UGT1A9: variants seen among roughly 807,000 people sequenced by gnomAD.
The protein encoded by UGT1A9 is UDP glucuronosyltransferase family 1 member A9.
A neutral mutation model predicts 45.0 loss-of-function variants in UGT1A9; 35 were observed. The observed-to-expected ratio is 0.78, with a 90% CI of 0.59 to 1.03. UGT1A9 has a LOEUF of 1.03. Ranked by LOEUF, UGT1A9 falls within the 50% of genes least tolerant of loss-of-function variation. The pLI, the probability that UGT1A9 is intolerant of heterozygous loss-of-function variation, is 0.00. For missense variants in UGT1A9, 687 were observed against 666.6 expected (o/e 1.03, Z -0.34); for synonymous variants, 278 against 250.6 (o/e 1.11, Z -1.03).
intron 1 of UGT1A9, among the ~76,000 whole-genome samples, chr2:233,722,425 T>G (rs1224691160): frequency 6.6e-6 from 1 of 152,236 alleles, no homozygotes; most frequent in African/African-American, 2.4e-5. Context: ...ATGGATAGGT[T>G]GAATTATTTG....
intron 1 of UGT1A9, chr2:233,719,510 T>G: frequency 6.2e-7 from 1 of 1,614,000 alleles, no homozygotes. Flanking sequence ...TTTCTGCCCC[T>G]TATGCAAGTC....
intron 1 of UGT1A9, among the ~76,000 whole-genome samples, chr2:233,683,150 C>T (rs1362078912): frequency 1.3e-5 from 2 of 152,148 alleles, no homozygotes; most frequent in South Asian, 2.1e-4. Context: ...GAATTGTTTT[C>T]AATTTTTTTG....
At chr2:233,752,907 C>T (rs1171888690) in intron 1 of UGT1A9, among the ~76,000 whole-genome samples, 1 of 152,232 alleles carries the variant, frequency 6.6e-6, no homozygotes, top group East Asian at 1.9e-4. Flanking sequence ...ACAGATCCAC[C>T]TCTGAGTGAC....
At chr2:233,701,673 A>T (rs544272724) in intron 1 of UGT1A9, among the ~76,000 whole-genome samples, 2 of 152,338 alleles carry the variant, frequency 1.3e-5, no homozygotes, top group South Asian at 4.1e-4. Context: ...TCAAACTAGA[A>T]CTCAGAATTA....
chr2:233,730,403 A>G (rs1043084681), intron 1 of UGT1A9, among the ~76,000 whole-genome samples: 1 of 152,216 alleles, frequency 6.6e-6, no homozygotes, highest in Non-Finnish European at 1.5e-5. Context: ...GTAAATTACA[A>G]TTGTTGACAT....
At chr2:233,712,288 C>G (rs147382536) in intron 1 of UGT1A9, among the ~76,000 whole-genome samples, 1 of 152,350 alleles carries the variant, frequency 6.6e-6, no homozygotes, top group African/African-American at 2.4e-5. Flanking sequence ...ACCTCTTCTT[C>G]CATGGTGTAG....
At chr2:233,701,427 C>T (rs1037772599) in intron 1 of UGT1A9, among the ~76,000 whole-genome samples, 1 of 152,092 alleles carries the variant, frequency 6.6e-6, no homozygotes, top group African/African-American at 2.4e-5. Flanking sequence ...CAACATTAGA[C>T]AGATCAACGA....
At chr2:233,685,670 G>A (rs944188432) in intron 1 of UGT1A9, among the ~76,000 whole-genome samples, 3 of 152,154 alleles carry the variant, frequency 2.0e-5, no homozygotes, top group Non-Finnish European at 4.4e-5. Flanking sequence ...GGCATAATGT[G>A]TACCCATATA....
chr2:233,727,330 C>T (rs574704586), intron 1 of UGT1A9, among the ~76,000 whole-genome samples: 1 of 152,238 alleles, frequency 6.6e-6, no homozygotes, highest in East Asian at 1.9e-4. Flanking sequence ...ACCAGGAGCT[C>T]CTCCCTCCCC....
At chr2:233,747,312 G>A in intron 1 of UGT1A9, 5 of 1,603,228 alleles carry the variant, frequency 3.1e-6, no homozygotes, top group Non-Finnish European at 4.3e-6. Context: ...AGGTGCTGGT[G>A]GTACCCATTG....
chr2:233,735,495 A>G (rs1383216559), intron 1 of UGT1A9, among the ~76,000 whole-genome samples: 1 of 152,188 alleles, frequency 6.6e-6, no homozygotes, highest in Non-Finnish European at 1.5e-5. Context: ...TAATTGCAGC[A>G]TTTAGCCCAT....
chr2:233,733,184 C>T (rs531728542), intron 1 of UGT1A9, among the ~76,000 whole-genome samples: 42 of 152,276 alleles, frequency 2.8e-4, no homozygotes, highest in South Asian at 8.3e-4. Context: ...GCTGAAGTTG[C>T]TTATCAGCTT....
intron 1 of UGT1A9, chr2:233,729,592 C>A (rs1253832448): frequency 6.2e-7 from 1 of 1,613,966 alleles, no homozygotes; most frequent in African/African-American, 1.3e-5. Flanking sequence ...CCCCGTTAAC[C>A]TCTGCGCGGC....
At chr2:233,682,873 A>T (rs1025684504) in intron 1 of UGT1A9, 1 of 1,521,660 alleles carries the variant, frequency 6.6e-7, no homozygotes, top group African/African-American at 1.4e-5. Flanking sequence ...ATAATTTATC[A>T]TTTACATTTG....
chr2:233,716,339 C>A (rs998115073), intron 1 of UGT1A9, among the ~76,000 whole-genome samples: 4 of 152,212 alleles, frequency 2.6e-5, no homozygotes, highest in African/African-American at 9.7e-5. Context: ...CAGGTTTGCG[C>A]AACTACAATG....
In UGT1A9 at chr2:233,692,757, G is replaced by C. The variant is rs1425174448; in HGVS notation, c.855+19968G>C. 9.3e-6 allele frequency: 11 copies of C among 1,177,646 alleles called. No homozygotes were observed. In the South Asian group the frequency reaches 1.9e-4, roughly 20 times the overall value. The allele number at this position is 1,177,646 out of a possible 1,614,324, so 72.9% of individuals were successfully genotyped here. A position where few individuals can be genotyped will look rare whatever the true frequency, so the allele number is the denominator to read the frequency against. Reference sequence around the variant, plus strand: ...AGAGAGGGAGAAGCAGACTTGTGGAGCTGAAGAGAAACACCCAGAAGCTCA... The same window carrying C: ...AGAGAGGGAGAAGCAGACTTGTGGACCTGAAGAGAAACACCCAGAAGCTCA... On this transcript the variant is annotated intron_variant, in intron 1 of 4. Coordinates refer to ENST00000354728, the MANE Select transcript of UGT1A9 (RefSeq NM_021027.3).
chr2:233,766,357 C>T (rs1461708777), intron 1 of UGT1A9, among the ~76,000 whole-genome samples: 1 of 152,122 alleles, frequency 6.6e-6, no homozygotes, highest in Non-Finnish European at 1.5e-5. Flanking sequence ...CCTGCCGGTG[C>T]CTGTTGGTGA....
intron 1 of UGT1A9, among the ~76,000 whole-genome samples, chr2:233,684,872 G>A (rs1411097993): frequency 6.6e-6 from 1 of 152,138 alleles, no homozygotes; most frequent in Non-Finnish European, 1.5e-5. Flanking sequence ...TGTTTCATAT[G>A]GGCAGGGTGT....
chr2:233,714,873 C>A (rs1233346677), intron 1 of UGT1A9, among the ~76,000 whole-genome samples: 1 of 147,466 alleles, frequency 6.8e-6, no homozygotes, highest in African/African-American at 2.5e-5. Flanking sequence ...AAAATTCTAT[C>A]TTTTAAATTT....
Sources: allele counts gnomAD v4.1 joint callset (sites outside exome capture counted in the v4.1 genomes callset), GRCh38; gene constraint gnomAD v4.1.1; transcripts MANE v1.5; gene names NCBI Gene and HGNC (gene_info 2026-07-23, HGNC 2026-07-21).